TESK2: variants seen among roughly 807,000 people sequenced by gnomAD.
TESK2 encodes dual specificity testis-specific protein kinase 2.
A neutral mutation model predicts 57.1 loss-of-function variants in TESK2; 39 were observed. The ratio of observed to expected loss-of-function variants is 0.68; its 90% CI spans 0.53 to 0.89. The LOEUF (loss-of-function observed/expected upper bound fraction) is 0.89. TESK2 is among the 40% of genes least tolerant of loss of function. The pLI is 0.00. For synonymous variants in TESK2, 249 were observed against 267.9 expected (o/e 0.93, Z 0.69); for missense variants, 646 against 732.1 (o/e 0.88, Z 1.36).
intron 2 of TESK2, among the ~76,000 whole-genome samples, chr1:45,437,206 A>AT (rs1279722152): frequency 6.6e-6 from 1 of 152,046 alleles, no homozygotes; most frequent in Non-Finnish European, 1.5e-5. Flanking sequence ...ATATCTTTCT[A>AT]TTTTTTTGTG....
rs544247567 is a variant in TESK2, at chr1:45,375,586, C to T, written c.393+10326G>A. ...CCCTTGTTTAGTTTAACTCCTCTGC[C>T]CGCCCCCTGCTGATTAAAATATAAA... is the stretch of plus-strand genomic sequence containing the variant. On this transcript the variant is annotated intron_variant, in intron 4 of 10. Coordinates refer to ENST00000372086, the MANE Select transcript of TESK2 (RefSeq NM_007170.3). 8.5e-5 allele frequency among the ~76,000 whole-genome samples: 13 copies of T among 152,164 alleles called. 1 individual carries two copies. Among genetic ancestry groups the T allele is most frequent in the Non-Finnish European group, 8.8e-5 (6 of 68,018 alleles).
At chr1:45,480,817 G>A (rs918908276) in intron 1 of TESK2, among the ~76,000 whole-genome samples, 7 of 150,382 alleles carry the variant, frequency 4.7e-5, no homozygotes, top group Admixed American at 1.3e-4. Context: ...GTTAAACCCC[G>A]TCTTTACTAA....
intron 3 of TESK2, among the ~76,000 whole-genome samples, chr1:45,419,197 C>T (rs535843095): frequency 4.2e-4 from 64 of 152,050 alleles, no homozygotes; most frequent in African/African-American, 1.4e-3. Flanking sequence ...AGGATGGTCT[C>T]GAACTCTTGA....
chr1:45,481,554 C>T (rs1279394385), intron 1 of TESK2, among the ~76,000 whole-genome samples: 1 of 152,150 alleles, frequency 6.6e-6, no homozygotes, highest in Non-Finnish European at 1.5e-5. Context: ...TGGCCTCAAA[C>T]TCCAGGCCTC....
At chr1:45,428,181 C>A (rs1444491274) in intron 2 of TESK2, among the ~76,000 whole-genome samples, 1 of 152,152 alleles carries the variant, frequency 6.6e-6, no homozygotes, top group African/African-American at 2.4e-5. Flanking sequence ...CTTATTTAAT[C>A]TTGAAGATAA....
At chr1:45,367,996 T>G (rs958988355) in intron 4 of TESK2, among the ~76,000 whole-genome samples, 2 of 140,428 alleles carry the variant, frequency 1.4e-5, no homozygotes, top group African/African-American at 5.5e-5. Flanking sequence ...CCATTGAAAT[T>G]TTTTTTTTTT....
chr1:45,346,656 A>G, intron 9 of TESK2, 37 bp downstream of exon 9: 1 of 1,572,566 alleles, frequency 6.4e-7, no homozygotes, highest in Non-Finnish European at 8.7e-7. Flanking sequence ...GGGTTCAGCC[A>G]GCCCCTGATG....
chr1:45,441,508 A>G (rs61788281), intron 2 of TESK2, among the ~76,000 whole-genome samples: 37,300 of 151,446 alleles, frequency 0.25, 4,727 homozygotes, highest in East Asian at 0.36. Flanking sequence ...GACTCTTGCT[A>G]TGTTGCCTAG....
At chr1:45,474,067 G>A (rs1447704945) in intron 1 of TESK2, among the ~76,000 whole-genome samples, 1 of 151,866 alleles carries the variant, frequency 6.6e-6, no homozygotes, top group Non-Finnish European at 1.5e-5. Flanking sequence ...GACATTTTTT[G>A]GCCAAGCGCA....
intron 3 of TESK2, among the ~76,000 whole-genome samples, chr1:45,403,983 G>A (rs2149281240): frequency 6.6e-6 from 1 of 150,772 alleles, no homozygotes; most frequent in South Asian, 2.1e-4. Context: ...TCTTAATCCA[G>A]GAAGTTCAAA....
intron 1 of TESK2, among the ~76,000 whole-genome samples, chr1:45,485,246 T>C (rs563851477): frequency 2.4e-4 from 36 of 150,216 alleles, no homozygotes; most frequent in South Asian, 1.9e-3. Flanking sequence ...TGGAGTGCAG[T>C]GGCGCGATCT....
At chr1:45,464,559 T>C (rs951578153) in intron 1 of TESK2, among the ~76,000 whole-genome samples, 2 of 152,246 alleles carry the variant, frequency 1.3e-5, no homozygotes, top group Non-Finnish European at 1.5e-5. Flanking sequence ...TTTCAGATTG[T>C]TTGCTGTTGG....
chr1:45,368,132 T>A (rs1484909087), intron 4 of TESK2, among the ~76,000 whole-genome samples: 1 of 148,494 alleles, frequency 6.7e-6, no homozygotes, highest in Non-Finnish European at 1.5e-5. Context: ...GTAGCTGGGA[T>A]TACAGGCGCC....
intron 2 of TESK2, among the ~76,000 whole-genome samples, chr1:45,423,061 G>GA (rs1205520755): frequency 4.7e-5 from 7 of 148,612 alleles, no homozygotes; most frequent in Admixed American, 6.7e-5. Flanking sequence ...TAATACCTTA[G>GA]AAAAAAAAAA....
At position 45,344,461 on chromosome 1, in the gene TESK2, A is replaced by G. The variant is rs189977715; in HGVS notation, c.*379T>C. On this transcript the variant is annotated 3_prime_UTR_variant, in exon 11 of 11. Transcript: ENST00000372086. ...AGCTCCATGTTCCACTCAGTAGCTT[A>G]TATGCCCCAAGAAAAGGCAAGAGAC... The G allele has an allele frequency of 2.0e-4, 44 of 217,500 alleles. 1 individual carries two copies. Among genetic ancestry groups the G allele is most frequent in the Admixed American group, 1.2e-3 (22 of 19,100 alleles). The allele number at this position is 217,500 out of a possible 1,614,324, so 13.5% of individuals were successfully genotyped here.
At chr1:45,346,076 T>C in intron 9 of TESK2, 82 bp from the exon 10 acceptor site, 1 of 1,098,772 alleles carries the variant, frequency 9.1e-7, no homozygotes, top group Non-Finnish European at 1.4e-6. Flanking sequence ...TCTGGCATCT[T>C]TGAAGATTCA....
At chr1:45,424,281 CAG>C (rs1416747522) in intron 2 of TESK2, among the ~76,000 whole-genome samples, 6 of 152,228 alleles carry the variant, frequency 3.9e-5, no homozygotes, top group Admixed American at 6.5e-5. Context: ...AGAATTCAAA[CAG>C]TGTTTCAGAG....
chr1:45,361,607 C>T (rs1209081323), intron 4 of TESK2, among the ~76,000 whole-genome samples: 2 of 152,132 alleles, frequency 1.3e-5, no homozygotes, highest in Admixed American at 6.5e-5. Flanking sequence ...TATATACAGC[C>T]TTTTCCTAGA....
At chr1:45,398,941 C>G (rs12738304) in intron 3 of TESK2, 2 of 418,454 alleles carry the variant, frequency 4.8e-6, no homozygotes, top group Admixed American at 6.0e-5. Flanking sequence ...TGAAAATGAG[C>G]TCTCCTTCCA....
Sources: allele counts gnomAD v4.1 joint callset (sites outside exome capture counted in the v4.1 genomes callset), GRCh38; gene constraint gnomAD v4.1.1; transcripts MANE v1.5; gene names NCBI Gene and HGNC (gene_info 2026-07-23, HGNC 2026-07-21).